Variants in MSH4 observed in about 807,000 individuals in gnomAD.
MSH4 encodes the protein mutS homolog 4.
Under a neutral mutation model 113.7 loss-of-function variants are expected in MSH4, and 106 were observed. The ratio of observed to expected loss-of-function variants is 0.93; its 90% CI spans 0.80 to 1.10. The LOEUF is 1.10. MSH4 is among the 50% of genes least tolerant of loss of function. The pLI is 0.00. For synonymous variants in MSH4, 368 were observed against 380.2 expected, an observed-to-expected ratio of 0.97 and a Z score of 0.37; for missense variants, 1,061 against 1,093.7, an observed-to-expected ratio of 0.97 and a Z score of 0.42.
rs571921000 is a variant in MSH4, at chr1:75,857,596, G to A, written c.1230+9320G>A. On this transcript the variant is annotated intron_variant, in intron 8 of 19. Transcript: ENST00000263187. ...CAGGTTTGTCAAAGATCAGATGGTC[G>A]TACATGTGTGGTGTTATTTCTGAGG... is the stretch of plus-strand genomic sequence containing the variant. 3.4e-3 allele frequency among the ~76,000 whole-genome samples: 517 copies of A among 152,164 alleles called. 1 individual carries two copies. The highest frequency in any genetic ancestry group is 5.8e-3 in the Non-Finnish European group (394 of 68,004).
intron 8 of MSH4, among the ~76,000 whole-genome samples, chr1:75,856,121 A>T (rs1651310630): frequency 2.6e-5 from 4 of 152,138 alleles, no homozygotes. Flanking sequence ...GCCTGCTTCT[A>T]TACTCAGTTT....
chr1:75,890,844 A>C lies in MSH4; in HGVS notation c.2355+20A>C. On this transcript the variant is annotated intron_variant, in intron 17 of 19. Coordinates refer to ENST00000263187, the MANE Select transcript of MSH4 (RefSeq NM_002440.4). The stretch of plus-strand genomic sequence containing the variant: ...TTAAAGGTATTCTTTTATTTTAAGT[A>C]TATTGATTTTGAGTCCTTCTTTATG... 6.6e-7 allele frequency: 1 copy of C among 1,506,652 alleles called. No individual in the cohort carries two copies. Among genetic ancestry groups the C allele is most frequent in the South Asian group, 1.2e-5 (1 of 83,496 alleles). The allele number at this position is 1,506,652 out of a possible 1,614,324, so 93.3% of individuals were successfully genotyped here.
intron 7 of MSH4, among the ~76,000 whole-genome samples, chr1:75,836,712 C>G (rs1650837188): frequency 6.6e-6 from 1 of 152,124 alleles, no homozygotes; most frequent in Non-Finnish European, 1.5e-5. Context: ...TACTGCCTTT[C>G]TTTGTTTCTG....
At position 75,906,485 on chromosome 1, in the gene MSH4, ATATTATATATTATAT is replaced by A. The variant is rs1652641470; in HGVS notation, c.2620-6210_2620-6196del. Among the ~76,000 whole-genome samples, 2 of 978 alleles carry A rather than the reference ATATTATATATTATAT, an allele frequency of 2.0e-3. 1 individual carries two copies. Among genetic ancestry groups the A allele is most frequent in the South Asian group, 0.083 (2 of 24 alleles). 0.6% of individuals were successfully genotyped at this position (978 alleles called of 152,430 possible). On this transcript the variant is annotated intron_variant, in intron 19 of 19. Coordinates refer to ENST00000263187, the MANE Select transcript of MSH4 (RefSeq NM_002440.4). The stretch of plus-strand genomic sequence containing the variant: ...TATATATATTATATATAATATATAC[ATATTATATATTATAT>A]ATATATAATATATAATATGTATATA...
At chr1:75,860,093 T>G (rs546054111) in intron 8 of MSH4, among the ~76,000 whole-genome samples, 1 of 152,306 alleles carries the variant, frequency 6.6e-6, no homozygotes, top group African/African-American at 2.4e-5. Flanking sequence ...CCCCTGCTTT[T>G]TTTTTTGCTT....
At position 75,912,787 on chromosome 1, in the gene MSH4, T is replaced by TG. The variant is rs2100601984; in HGVS notation, c.2713dup (p.Asp905GlyfsTer11). The stretch of plus-strand genomic sequence containing the variant: ...GTTCAAACTGCTCGAAACTCTCAAT[T>TG]GGATCCAGACAGTTTACGAATATAT... On this transcript the variant is annotated frameshift_variant, in exon 20 of 20. Coordinates refer to ENST00000263187, the MANE Select transcript of MSH4 (RefSeq NM_002440.4). LOFTEE classifies it high-confidence loss of function. 6.3e-7 allele frequency: 1 copy of TG among 1,597,076 alleles called. No individual in the cohort carries two copies. The highest frequency in any genetic ancestry group is 2.3e-5 in the East Asian group (1 of 43,326).
At chr1:75,878,707 G>C (rs953346425) in intron 11 of MSH4, among the ~76,000 whole-genome samples, 1 of 151,950 alleles carries the variant, frequency 6.6e-6, no homozygotes, top group African/African-American at 2.4e-5. Context: ...TGTAGTCCCA[G>C]CTACTCCGGA....
At chr1:75,877,055 A>G (rs1651831649) in intron 10 of MSH4, 55 bp downstream of exon 10, 3 of 1,198,964 alleles carry the variant, frequency 2.5e-6, no homozygotes, top group Non-Finnish European at 3.5e-6. Context: ...CTTCCTGATC[A>G]TAACTGATTT....
At chr1:75,852,904 A>G (rs1359467115) in intron 8 of MSH4, among the ~76,000 whole-genome samples, 2 of 152,200 alleles carry the variant, frequency 1.3e-5, no homozygotes, top group Admixed American at 1.3e-4. Flanking sequence ...TCTCCCATAA[A>G]CATGGATACT....
intron 7 of MSH4, among the ~76,000 whole-genome samples, chr1:75,829,814 A>T (rs1650641721): frequency 1.3e-5 from 2 of 152,228 alleles, no homozygotes; most frequent in African/African-American, 2.4e-5. Context: ...CCAAAGGTAG[A>T]CAAAGCCACA....
intron 3 of MSH4, among the ~76,000 whole-genome samples, chr1:75,808,847 C>A (rs914529772): frequency 6.6e-6 from 1 of 152,126 alleles, no homozygotes; most frequent in Non-Finnish European, 1.5e-5. Context: ...TTGGGCCACT[C>A]GCCTATTGTC....
intron 7 of MSH4, among the ~76,000 whole-genome samples, chr1:75,838,446 T>A (rs1432330770): frequency 6.6e-6 from 1 of 152,180 alleles, no homozygotes; most frequent in Non-Finnish European, 1.5e-5. Context: ...AACTAGAAAC[T>A]TCCTTTTATC....
rs914146310 is a variant in MSH4, at chr1:75,878,865, C to T, written c.1541-127C>T. The T allele has an allele frequency of 5.7e-6, 4 of 700,126 alleles. No homozygotes were observed. In the African/African-American group the frequency reaches 7.6e-5, roughly 13 times the overall value. The allele number at this position is 700,126 out of a possible 1,614,324, so 43.4% of individuals were successfully genotyped here. A position where few individuals can be genotyped will look rare whatever the true frequency, so the allele number is the denominator to read the frequency against. ...AAATTATTAGAGTTTGAAAGAGCAACAAGACCTCCTATTTATGTATAAAAT... is the reference window on the plus strand; with the variant it reads ...AAATTATTAGAGTTTGAAAGAGCAATAAGACCTCCTATTTATGTATAAAAT... On this transcript the variant is annotated intron_variant, in intron 11 of 19. Transcript: ENST00000263187.
chr1:75,826,328 T>C (rs1393681496), intron 7 of MSH4, among the ~76,000 whole-genome samples: 1 of 152,198 alleles, frequency 6.6e-6, no homozygotes, highest in Non-Finnish European at 1.5e-5. Flanking sequence ...TATCATTTCT[T>C]ATTGTGTCTA....
At position 75,886,501 on chromosome 1, in the gene MSH4, G is replaced by GTATTATA. The variant is rs1557524982; in HGVS notation, c.2107+2684_2107+2690dup. Among the ~76,000 whole-genome samples the GTATTATA allele has an allele frequency of 6.1e-5, 6 of 98,380 alleles. No homozygotes were observed. In the East Asian group the frequency reaches 1.1e-3, roughly 17 times the overall value. 64.5% of individuals were successfully genotyped at this position (98,380 alleles called of 152,430 possible). On this transcript the variant is annotated intron_variant, in intron 15 of 19. Transcript: ENST00000263187. ...ATATATATGATGTATTATATATGATGTATTATATATAATATATATGATGTA... is the reference window on the plus strand; with the variant it reads ...ATATATATGATGTATTATATATGATGTATTATATATTATATATAATATATATGATGTA...
chr1:75,877,115 C>T, intron 10 of MSH4, 115 bp downstream of exon 10: 1 of 566,138 alleles, frequency 1.8e-6, no homozygotes. Flanking sequence ...TTTTGGTTAA[C>T]AGAATCTTTA....
At chr1:75,900,071 C>G (rs1652475007) in intron 19 of MSH4, among the ~76,000 whole-genome samples, 1 of 151,868 alleles carries the variant, frequency 6.6e-6, no homozygotes, top group Non-Finnish European at 1.5e-5. Flanking sequence ...TTATAGTTTT[C>G]AAAGCTTTTC....
chr1:75,857,637 G>C (rs1282892605), intron 8 of MSH4, among the ~76,000 whole-genome samples: 1 of 152,026 alleles, frequency 6.6e-6, no homozygotes, highest in East Asian at 1.9e-4. Context: ...GTTCTGTTCC[G>C]TTGGTCTATA....
At chr1:75,833,814 C>G (rs909065123) in intron 7 of MSH4, among the ~76,000 whole-genome samples, 12 of 152,168 alleles carry the variant, frequency 7.9e-5, no homozygotes, top group African/African-American at 2.7e-4. Context: ...AATGTTAGAC[C>G]TAAAACCTTA....
Sources: gnomAD v4.1 joint callset for allele counts (sites outside exome capture counted in the v4.1 genomes callset) on GRCh38, gnomAD v4.1.1 for gene constraint, MANE v1.5 for transcripts, NCBI Gene and HGNC (gene_info 2026-07-23, HGNC 2026-07-21) for gene names.